The following RBMS3 variants were observed in gnomAD, a reference collection of about 807,000 sequenced individuals.
RBMS3 encodes RNA-binding motif, single-stranded-interacting protein 3.
RBMS3 carries 27 observed loss-of-function variants against 66.8 expected under a neutral mutation model. The observed-to-expected ratio is 0.40, with a 90% CI of 0.30 to 0.56. The LOEUF is 0.56. Ranked by LOEUF, RBMS3 falls within the 20% of genes least tolerant of loss-of-function variation. The probability of loss-of-function intolerance (pLI) is 0.40; values close to 1 mark genes in which losing one functional copy is unlikely to be tolerated. For synonymous variants in RBMS3, 188 were observed against 183.0 expected (o/e 1.03, Z -0.22); for missense variants, 513 against 549.5 (o/e 0.93, Z 0.66).
intron 4 of RBMS3, among the ~76,000 whole-genome samples, chr3:29,727,667 A>G (rs536949020): frequency 1.3e-5 from 2 of 152,258 alleles, no homozygotes; most frequent in Admixed American, 6.5e-5. Context: ...ATACCATCTC[A>G]TGCCAGTTAG....
At chr3:29,720,448 T>C (rs2149319814) in intron 4 of RBMS3, among the ~76,000 whole-genome samples, 1 of 152,258 alleles carries the variant, frequency 6.6e-6, no homozygotes, top group South Asian at 2.1e-4. Flanking sequence ...GTAGTAGTAT[T>C]CTTGTAACTG....
intron 12 of RBMS3, among the ~76,000 whole-genome samples, chr3:29,979,493 T>C (rs557365933): frequency 6.6e-6 from 1 of 152,320 alleles, no homozygotes; most frequent in South Asian, 2.1e-4. Context: ...ATGTGCAGGT[T>C]TGTTACATAG....
intron 6 of RBMS3, among the ~76,000 whole-genome samples, chr3:29,771,423 C>A (rs901945515): frequency 1.3e-5 from 2 of 151,946 alleles, no homozygotes; most frequent in Non-Finnish European, 2.9e-5. Context: ...ATACCAATAT[C>A]ATTTGTTAAA....
intron 2 of RBMS3, among the ~76,000 whole-genome samples, chr3:29,473,496 G>C (rs751073192): frequency 6.6e-6 from 1 of 152,196 alleles, no homozygotes; most frequent in African/African-American, 2.4e-5. Flanking sequence ...GTCCCGCGCC[G>C]TGCGCCTGCA....
intron 1 of RBMS3, among the ~76,000 whole-genome samples, chr3:29,389,670 T>G (rs1327482722): frequency 6.6e-6 from 1 of 152,206 alleles, no homozygotes; most frequent in Non-Finnish European, 1.5e-5. Flanking sequence ...GTTTCTGAAG[T>G]TCTCTGTGCT....
chr3:30,007,425 C>T lies in RBMS3; in HGVS notation c.*3563C>T, dbSNP rs561132489. ...CATTTTTCCTTTTGACTTTAATAGC[C>T]AAGACTTAGCTTAAACATCAGGAAA... On this transcript the variant is annotated 3_prime_UTR_variant, in exon 15 of 15. Transcript: ENST00000383767. 3.9e-5 allele frequency: 6 copies of T among 151,992 alleles called. No homozygotes were observed. Among genetic ancestry groups the T allele is most frequent in the Admixed American group, 1.3e-4 (2 of 15,266 alleles). 9.4% of individuals were successfully genotyped at this position (151,992 alleles called of 1,614,324 possible). A position where few individuals can be genotyped will look rare whatever the true frequency, so the allele number is the denominator to read the frequency against.
In RBMS3 at chr3:29,381,551, A is replaced by T. The variant is rs182802294; in HGVS notation, c.76-53192A>T. 2.6e-5 allele frequency among the ~76,000 whole-genome samples: 4 copies of T among 152,332 alleles called. No individual in the cohort carries two copies. In the East Asian group the frequency reaches 5.8e-4, roughly 22 times the overall value. On this transcript the variant is annotated intron_variant, in intron 1 of 14. Transcript: ENST00000383767. ...TGCCATCTTTGTATGTAAAAATGGC[A>T]CAATTATCCTCAAGTGAAGAAATAA...
chr3:29,574,889 T>G (rs2047066699), intron 3 of RBMS3, among the ~76,000 whole-genome samples: 1 of 151,292 alleles, frequency 6.6e-6, no homozygotes. Flanking sequence ...ACCCTACACT[T>G]TAACTTCATC....
intron 11 of RBMS3, among the ~76,000 whole-genome samples, chr3:29,942,178 A>T (rs1429021230): frequency 1.3e-5 from 2 of 151,852 alleles, no homozygotes; most frequent in Non-Finnish European, 2.9e-5. Context: ...ATGAAATCGT[A>T]AGAGAAATAA....
chr3:29,706,220 G>T (rs2052884879), intron 4 of RBMS3, among the ~76,000 whole-genome samples: 1 of 152,150 alleles, frequency 6.6e-6, no homozygotes, highest in South Asian at 2.1e-4. Flanking sequence ...CTTCACAAAG[G>T]CATTCTAGTC....
chr3:29,497,418 A>G (rs1298574718), intron 3 of RBMS3, among the ~76,000 whole-genome samples: 1 of 152,222 alleles, frequency 6.6e-6, no homozygotes, highest in Admixed American at 6.5e-5. Flanking sequence ...TTACTAATCC[A>G]TGTTATCTGA....
At chr3:29,346,396 C>CTTTTTTTTT (rs34803214) in intron 1 of RBMS3, among the ~76,000 whole-genome samples, 23 of 59,994 alleles carry the variant, frequency 3.8e-4, no homozygotes, top group Admixed American at 7.5e-4. Flanking sequence ...GCAATTCATT[C>CTTTTTTTTT]TTTTTTTTTT....
At chr3:29,710,077 C>T (rs1486025882) in intron 4 of RBMS3, among the ~76,000 whole-genome samples, 1 of 152,168 alleles carries the variant, frequency 6.6e-6, no homozygotes, top group Non-Finnish European at 1.5e-5. Flanking sequence ...ATTGGCATTA[C>T]CTGTTCAAAC....
At chr3:29,311,198 A>G (rs1296323862) in intron 1 of RBMS3, among the ~76,000 whole-genome samples, 1 of 151,740 alleles carries the variant, frequency 6.6e-6, no homozygotes, top group Non-Finnish European at 1.5e-5. Context: ...AACAGATTGG[A>G]GGTGGGTTTG....
Position 30,004,952 on chromosome 3 carries a change from A to AG in RBMS3, c.*1090_*1091insG, listed in dbSNP as rs1699764766. The stretch of plus-strand genomic sequence containing the variant: ...AAAGTGCAAAAAAAAAAACAAAAAA[A>AG]AAGCAATAGATAGAGAAATTGTTGA... On this transcript the variant is annotated 3_prime_UTR_variant, in exon 15 of 15. Transcript: ENST00000383767. 1 of 151,836 alleles carries AG rather than the reference A, an allele frequency of 6.6e-6. No homozygotes were observed. The highest frequency in any genetic ancestry group is 1.5e-5 in the Non-Finnish European group (1 of 67,706). The allele number at this position is 151,836 out of a possible 1,614,324, so 9.4% of individuals were successfully genotyped here.
intron 4 of RBMS3, among the ~76,000 whole-genome samples, chr3:29,689,250 CTTAAA>C (rs1473191337): frequency 6.6e-6 from 1 of 151,882 alleles, no homozygotes; most frequent in East Asian, 1.9e-4. Flanking sequence ...TTATCCTTGC[CTTAAA>C]TTAAGCAAAA....
chr3:29,654,474 T>A (rs1403801384), intron 4 of RBMS3, among the ~76,000 whole-genome samples: 2 of 151,782 alleles, frequency 1.3e-5, no homozygotes, highest in Non-Finnish European at 2.9e-5. Context: ...CTGGTGTGAC[T>A]GTATCTTTGG....
At chr3:29,341,554 A>T (rs1324881208) in intron 1 of RBMS3, among the ~76,000 whole-genome samples, 1 of 151,954 alleles carries the variant, frequency 6.6e-6, no homozygotes, top group South Asian at 2.1e-4. Flanking sequence ...TTGACCAGCA[A>T]GGTTATTAAA....
At chr3:29,293,766 CTTT>C (rs2033018123) in intron 1 of RBMS3, among the ~76,000 whole-genome samples, 1 of 150,744 alleles carries the variant, frequency 6.6e-6, no homozygotes, top group Non-Finnish European at 1.5e-5. Context: ...CTTGCTCGCC[CTTT>C]CTTCTTCTAT....
Sources: gnomAD v4.1 joint callset for allele counts (sites outside exome capture counted in the v4.1 genomes callset) on GRCh38, gnomAD v4.1.1 for gene constraint, MANE v1.5 for transcripts, NCBI Gene and HGNC (gene_info 2026-07-23, HGNC 2026-07-21) for gene names.